The following HGFAC variants were observed in gnomAD, a reference collection of about 807,000 sequenced individuals.
HGFAC encodes HGF activator.
Under a neutral mutation model 70.6 loss-of-function variants are expected in HGFAC, and 76 were observed. The ratio of observed to expected loss-of-function variants is 1.08; its 90% CI spans 0.89 to 1.30. HGFAC has a LOEUF of 1.30. Ranked by LOEUF, HGFAC falls within the 50% of genes most tolerant of loss-of-function variation. HGFAC has a pLI of 0.00. For synonymous variants in HGFAC, 464 were observed against 405.3 expected (o/e 1.14, Z -1.74); for missense variants, 1,044 against 933.7 (o/e 1.12, Z -1.54).
intron 2 of HGFAC, 49 bp from the exon 3 acceptor site, chr4:3,443,001 C>A: frequency 6.5e-7 from 1 of 1,544,004 alleles, no homozygotes; most frequent in Non-Finnish European, 8.8e-7. Flanking sequence ...TCCTGAGGGG[C>A]TCGGGTGCCC....
Position 3,449,424 on chromosome 4 carries a change from C to A in HGFAC, c.*5C>A. The A allele has an allele frequency of 6.5e-7, 1 of 1,528,184 alleles. No homozygotes were observed. The highest frequency in any genetic ancestry group is 8.8e-7 in the Non-Finnish European group (1 of 1,135,560). 94.7% of individuals were successfully genotyped at this position (1,528,184 alleles called of 1,614,324 possible). On this transcript the variant is annotated 3_prime_UTR_variant, in exon 14 of 14. Coordinates refer to ENST00000382774, the MANE Select transcript of HGFAC (RefSeq NM_001528.4). ...CGGCTTGTGGCTCCCTCCTGACCCT[C>A]CAGCGGGACACCCTGGTTCCCACCA...
Position 3,442,131 on chromosome 4 carries a change from C to T in HGFAC, c.117+13C>T, listed in dbSNP as rs376881166. ...CCAGCCTGGCGGGGTGAGCACTGAC[C>T]TTGTCGCAGTGCGACCAGAGGTTCC... On this transcript the variant is annotated intron_variant, in intron 1 of 13. Coordinates refer to ENST00000382774, the MANE Select transcript of HGFAC (RefSeq NM_001528.4). 1 of 1,542,962 alleles carries T rather than the reference C, an allele frequency of 6.5e-7. No homozygotes were observed. Among genetic ancestry groups the T allele is most frequent in the Non-Finnish European group, 8.7e-7 (1 of 1,154,426 alleles).
At chr4:3,442,998 G>T in intron 2 of HGFAC, 52 bp from the exon 3 acceptor site, 1 of 1,546,594 alleles carries the variant, frequency 6.5e-7, no homozygotes, top group South Asian at 1.1e-5. Flanking sequence ...AGGTCCTGAG[G>T]GGCTCGGGTG....
Position 3,444,902 on chromosome 4 carries a change from G to A in HGFAC, c.925G>A (p.Ala309Thr). The change falls in exon 8 of 14, where the codon GCC becomes ACC. Residue 309 changes from alanine to threonine, a missense_variant. Coordinates refer to ENST00000382774, the MANE Select transcript of HGFAC (RefSeq NM_001528.4). ...CTCAGCCTCGGGCCTCAGCTGCCTG[G>A]CCTGGAACTCCGATCTGCTCTACCA... Reference protein sequence around the residue: ...STSASGLSCLAWNSDLLYQEL... With the variant: ...STSASGLSCLTWNSDLLYQEL... 1 of 1,609,418 alleles carries A rather than the reference G, an allele frequency of 6.2e-7. No homozygotes were observed.
chr4:3,444,790 G>A, intron 7 of HGFAC, 29 bp from the exon 8 acceptor site: 3 of 1,580,996 alleles, frequency 1.9e-6, no homozygotes, highest in Non-Finnish European at 2.6e-6. Flanking sequence ...ACCCACCGTG[G>A]GCCGGCCTCA....
In HGFAC at chr4:3,443,140, G is replaced by A; in HGVS notation, c.389G>A (p.Arg130Lys). Residue 130 changes from arginine to lysine, a missense_variant, in exon 3 of 14, where the codon AGG becomes AAG. Arg to Lys is a conservative substitution (Grantham distance 26, BLOSUM62 2). Coordinates refer to ENST00000382774, the MANE Select transcript of HGFAC (RefSeq NM_001528.4). Reference sequence around the variant, plus strand: ...TGCACTTCGGAGGGCAGTGCACACAGGAAGTGGTGGGTCCGGGCAGCCGGG... The same window carrying A: ...TGCACTTCGGAGGGCAGTGCACACAAGAAGTGGTGGGTCCGGGCAGCCGGG... ...HACTSEGSAH[R>K]KWCATTHNYD... 1 of 1,544,748 alleles carries A rather than the reference G, an allele frequency of 6.5e-7. No homozygotes were observed. The highest frequency in any genetic ancestry group is 8.7e-7 in the Non-Finnish European group (1 of 1,150,092).
At chr4:3,448,875 G>A (rs1725626197) in intron 13 of HGFAC, among the ~76,000 whole-genome samples, 1 of 152,212 alleles carries the variant, frequency 6.6e-6, no homozygotes, top group Non-Finnish European at 1.5e-5. Flanking sequence ...AGTCAGGATG[G>A]TTTCCTGGAG....
rs1444150955 is a variant in HGFAC, at chr4:3,449,259, C to T, written c.1808C>T (p.Ala603Val). ...ACQGDSGGPL[A>V]CEKNGVAYLY... ...CAGGGGGACTCAGGGGGGCCCCTGG[C>T]CTGCGAGAAGAACGGCGTGGCTTAC... The change falls in exon 14 of 14, where the codon GCC becomes GTC. Residue 603 changes from alanine (A) to valine (V), a missense_variant. Ala to Val is a moderately conservative substitution (Grantham distance 64). Transcript: ENST00000382774. 3.7e-6 allele frequency: 6 copies of T among 1,612,176 alleles called. No homozygotes were observed. The South Asian group carries it at 4.4e-5, about 12-fold the overall frequency.
At chr4:3,445,170 G>T (rs567299158) in intron 8 of HGFAC, 95 bp from the exon 9 acceptor site, 13 of 1,318,226 alleles carry the variant, frequency 9.9e-6, no homozygotes, top group Admixed American at 6.0e-5. Flanking sequence ...CTCCAGGTGC[G>T]GGGAACCGCC....
intron 7 of HGFAC, 25 bp downstream of exon 7, chr4:3,444,758 G>A: frequency 6.3e-7 from 1 of 1,577,216 alleles, no homozygotes. Context: ...CCCCCGGGGT[G>A]CCCTGGGGCA....
At position 3,444,664 on chromosome 4, in the gene HGFAC, C is replaced by T; in HGVS notation, c.772C>T (p.Leu258=). The part of the protein sequence containing the change: ...SPCLNGGTCH[L]IVATGTTVCA... ...TTGCCTGAACGGGGGCACCTGCCAC[C>T]TGATCGTGGCCACCGGGACCACCGT... The change falls in exon 7 of 14, where the codon CTG becomes TTG. Residue 258 remains leucine, a synonymous_variant. Transcript: ENST00000382774. 1 of 1,598,300 alleles carries T rather than the reference C, an allele frequency of 6.3e-7. No individual in the cohort carries two copies. Among genetic ancestry groups the T allele is most frequent in the Non-Finnish European group, 8.5e-7 (1 of 1,178,580 alleles).
Position 3,442,773 on chromosome 4 carries a change from T to G in HGFAC, c.159T>G (p.Pro53=). 1 of 1,533,216 alleles carries G rather than the reference T, an allele frequency of 6.5e-7. No homozygotes were observed. Among genetic ancestry groups the G allele is most frequent in the Non-Finnish European group, 8.8e-7 (1 of 1,142,174 alleles). 95.0% of individuals were successfully genotyped at this position (1,533,216 alleles called of 1,614,324 possible). Reference sequence around the variant, plus strand: ...CAGAACCTAATGCCACAGCGACCCCTGCGATCCCCACTATCCTGGTGACCT... The same window carrying G: ...CAGAACCTAATGCCACAGCGACCCCGGCGATCCCCACTATCCTGGTGACCT... The part of the protein sequence containing the change: ...ESPEPNATAT[P]AIPTILVTSV... Residue 53 remains proline, a synonymous_variant, in exon 2 of 14, where the codon CCT becomes CCG. Transcript: ENST00000382774.
Position 3,446,304 on chromosome 4 carries a change from C to T in HGFAC, c.1355+10C>T, listed in dbSNP as rs775793684. 57 of 1,599,966 alleles carry T rather than the reference C, an allele frequency of 3.6e-5. No homozygotes were observed. The highest frequency in any genetic ancestry group is 4.5e-5 in the Non-Finnish European group (53 of 1,174,330). ...ACTGCTTCTCCCACAGGTGCACCTC[C>T]TCTGGGCCCCAGTCACCTGCCCTGA... On this transcript the variant is annotated intron_variant, in intron 10 of 13. Transcript: ENST00000382774.
At chr4:3,443,223 C>A in intron 3 of HGFAC, 77 bp downstream of exon 3, 1 of 1,329,664 alleles carries the variant, frequency 7.5e-7, no homozygotes, top group Non-Finnish European at 1.0e-6. Flanking sequence ...GCCGGGCACA[C>A]AGTAGGCGCT....
Position 3,449,251 on chromosome 4 carries a change from G to A in HGFAC, c.1800G>A (p.Gly600=), listed in dbSNP as rs769529523. Residue 600 remains glycine (G), a synonymous_variant, in exon 14 of 14, where the codon GGG becomes GGA. Coordinates refer to ENST00000382774, the MANE Select transcript of HGFAC (RefSeq NM_001528.4). ...KSDACQGDSG[G]PLACEKNGVA... ...TCTCTGCCCAGGGGGACTCAGGGGG[G>A]CCCCTGGCCTGCGAGAAGAACGGCG... 2.0e-5 allele frequency: 32 copies of A among 1,611,808 alleles called. No individual in the cohort carries two copies. In the African/African-American group the frequency reaches 3.2e-4, roughly 16 times the overall value.
At chr4:3,448,857 A>G (rs575615890) in intron 13 of HGFAC, among the ~76,000 whole-genome samples, 1 of 152,272 alleles carries the variant, frequency 6.6e-6, no homozygotes, top group East Asian at 1.9e-4. Flanking sequence ...CTGGACCTCG[A>G]TAAGGGAAGT....
chr4:3,449,185 G>T (rs140632987), intron 13 of HGFAC, 52 bp from the exon 14 acceptor site: 8 of 1,536,012 alleles, frequency 5.2e-6, no homozygotes, highest in Middle Eastern at 3.9e-4. Context: ...GGAGAGGGGG[G>T]TCCCTGAACC....
intron 1 of HGFAC, 111 bp from the exon 2 acceptor site, chr4:3,442,621 C>T (rs933804948): frequency 2.1e-5 from 15 of 698,964 alleles, no homozygotes; most frequent in East Asian, 9.1e-5. Flanking sequence ...GAACCTGCTC[C>T]GAGATCTGGG....
In HGFAC at chr4:3,448,032, G is replaced by T; in HGVS notation, c.1633G>T (p.Glu545Ter). The change falls in exon 12 of 14, where the codon GAG becomes TAG. Residue 545 changes from glutamate to a stop codon, truncating the protein, a stop_gained. Coordinates refer to ENST00000382774, the MANE Select transcript of HGFAC (RefSeq NM_001528.4). LOFTEE classifies it high-confidence loss of function. ...CQIAGWGHLD[E>*]NVSGYSSSLR... The stretch of plus-strand genomic sequence containing the variant: ...GATTGCGGGCTGGGGCCACTTGGAT[G>T]AGAGTGAGTTGGGAGGGGGGCGCCC... 2 of 1,558,332 alleles carry T rather than the reference G, an allele frequency of 1.3e-6. No individual in the cohort carries two copies. Among genetic ancestry groups the T allele is most frequent in the Non-Finnish European group, 1.7e-6 (2 of 1,151,990 alleles).
Sources: gnomAD v4.1 joint callset for allele counts (sites outside exome capture counted in the v4.1 genomes callset) on GRCh38, gnomAD v4.1.1 for gene constraint, MANE v1.5 for transcripts, NCBI Gene and HGNC (gene_info 2026-07-23, HGNC 2026-07-21) for gene names.